Variants in CREB5 observed in about 807,000 individuals in gnomAD.
CREB5 encodes cAMP responsive element binding protein 5.
CREB5 carries 19 observed loss-of-function variants against 57.1 expected under a neutral mutation model. The ratio of observed to expected loss-of-function variants is 0.33; its 90% confidence interval spans 0.23 to 0.49. The LOEUF is 0.49. Among genes scored for constraint, CREB5 ranks in the 20% least tolerant of loss-of-function variants. The pLI is 0.99. For missense variants in CREB5, 579 were observed against 671.6 expected (o/e 0.86, Z 1.52); for synonymous variants, 238 against 238.3 (o/e 1.00, Z 0.01).
chr7:28,440,356 C>T (rs931350471), intron 1 of CREB5, among the ~76,000 whole-genome samples: 3 of 152,042 alleles, frequency 2.0e-5, no homozygotes, highest in African/African-American at 4.8e-5. Flanking sequence ...TTAAGCGAGG[C>T]CTGTTTGAGA....
chr7:28,623,415 G>A (rs112889413), intron 5 of CREB5, among the ~76,000 whole-genome samples: 1 of 152,274 alleles, frequency 6.6e-6, no homozygotes, highest in African/African-American at 2.4e-5. Flanking sequence ...TGTCAAAATA[G>A]CTTTATAGAT....
At chr7:28,591,899 C>T (rs1198047078) in intron 5 of CREB5, among the ~76,000 whole-genome samples, 1 of 152,108 alleles carries the variant, frequency 6.6e-6, no homozygotes, top group African/African-American at 2.4e-5. Flanking sequence ...GCTAGAACAG[C>T]AAGTGAAGAA....
chr7:28,320,509 A>G (rs1192196477), intron 1 of CREB5, among the ~76,000 whole-genome samples: 1 of 152,184 alleles, frequency 6.6e-6, no homozygotes, highest in African/African-American at 2.4e-5. Flanking sequence ...CCTTTGCTGA[A>G]TTGCAGCTCC....
chr7:28,743,358 C>T (rs1337072290), intron 7 of CREB5, among the ~76,000 whole-genome samples: 1 of 152,050 alleles, frequency 6.6e-6, no homozygotes, highest in Non-Finnish European at 1.5e-5. Context: ...CCTGGTGAAA[C>T]CTCATCTCTA....
At chr7:28,431,909 T>C (rs141120533) in intron 1 of CREB5, among the ~76,000 whole-genome samples, 1 of 151,688 alleles carries the variant, frequency 6.6e-6, no homozygotes, top group African/African-American at 2.4e-5. Flanking sequence ...GGTGAGCAGA[T>C]AGCTGTTTAG....
intron 1 of CREB5, among the ~76,000 whole-genome samples, chr7:28,429,427 G>C (rs543937271): frequency 7.2e-5 from 11 of 152,152 alleles, no homozygotes; most frequent in Non-Finnish European, 1.6e-4. Flanking sequence ...CTGGCACATG[G>C]CAGACACTTC....
chr7:28,823,576 A>G lies in CREB5; in HGVS notation c.*4297A>G, dbSNP rs1269365098. The G allele has an allele frequency of 1.3e-5, 2 of 152,554 alleles. No individual in the cohort carries two copies. The highest frequency in any genetic ancestry group is 4.8e-5 in the African/African-American group (2 of 41,440). 9.5% of individuals were successfully genotyped at this position (152,554 alleles called of 1,614,324 possible). The stretch of plus-strand genomic sequence containing the variant: ...AGTTATTTTTTAATCAACATTCTGA[A>G]CAGTTTTTTTTAAACATTTATTTCT... On this transcript the variant is annotated 3_prime_UTR_variant, in exon 11 of 11. Transcript: ENST00000357727.
At chr7:28,795,651 AG>A (rs567394205) in intron 7 of CREB5, among the ~76,000 whole-genome samples, 7 of 152,348 alleles carry the variant, frequency 4.6e-5, no homozygotes, top group African/African-American at 1.4e-4. Context: ...GTTCTCTATC[AG>A]CCCGCTGTCA....
chr7:28,326,945 C>T (rs1317727880), intron 1 of CREB5, among the ~76,000 whole-genome samples: 1 of 151,964 alleles, frequency 6.6e-6, no homozygotes, highest in Non-Finnish European at 1.5e-5. Context: ...GTCAGGAGTT[C>T]AAGACCAACC....
intron 2 of CREB5, among the ~76,000 whole-genome samples, chr7:28,491,835 G>A (rs1164476532): frequency 6.6e-6 from 1 of 152,208 alleles, no homozygotes; most frequent in Non-Finnish European, 1.5e-5. Context: ...GCATGGAGAA[G>A]ACAGGATGAC....
intron 5 of CREB5, among the ~76,000 whole-genome samples, chr7:28,571,497 T>C (rs375841639): frequency 1.6e-4 from 25 of 152,256 alleles, no homozygotes; most frequent in African/African-American, 5.5e-4. Context: ...CTCTCTCTCA[T>C]TTATGCAAAT....
At chr7:28,422,798 C>G (rs1334983823) in intron 1 of CREB5, among the ~76,000 whole-genome samples, 1 of 152,148 alleles carries the variant, frequency 6.6e-6, no homozygotes, top group Non-Finnish European at 1.5e-5. Flanking sequence ...TCATTGGATT[C>G]TCATTTATGT....
At chr7:28,501,922 G>C (rs751031351) in intron 3 of CREB5, among the ~76,000 whole-genome samples, 4 of 152,198 alleles carry the variant, frequency 2.6e-5, no homozygotes, top group African/African-American at 9.6e-5. Context: ...GCACTTGGAA[G>C]AGCATCTAGT....
intron 1 of CREB5, among the ~76,000 whole-genome samples, chr7:28,318,872 G>A (rs1189675620): frequency 6.6e-6 from 1 of 152,104 alleles, no homozygotes; most frequent in Non-Finnish European, 1.5e-5. Flanking sequence ...ATAACACCTG[G>A]AAATAATTAT....
rs1791957926 is a variant in CREB5 at position 28,494,892 on chromosome 7, T to A, written c.76-14T>A. 6.4e-7 allele frequency: 1 copy of A among 1,553,474 alleles called. No homozygotes were observed. The highest frequency in any genetic ancestry group is 8.6e-7 in the Non-Finnish European group (1 of 1,157,242). On this transcript the variant is annotated splice_polypyrimidine_tract_variant and intron_variant, in intron 2 of 10. Coordinates refer to ENST00000357727, the MANE Select transcript of CREB5 (RefSeq NM_182898.4). ...TCCTCTTCTCCCCTCCCTTTTTTTTTATTCGTCCGACAGCGCTTCCCAACA... is the reference window on the plus strand; with the variant it reads ...TCCTCTTCTCCCCTCCCTTTTTTTTAATTCGTCCGACAGCGCTTCCCAACA...
intron 1 of CREB5, among the ~76,000 whole-genome samples, chr7:28,402,873 C>A (rs1787501386): frequency 1.3e-5 from 2 of 152,196 alleles, no homozygotes; most frequent in Non-Finnish European, 1.5e-5. Flanking sequence ...AAACTACCAT[C>A]AGAGTGTATA....
At chr7:28,729,887 G>A (rs1562600968) in intron 7 of CREB5, among the ~76,000 whole-genome samples, 2 of 152,146 alleles carry the variant, frequency 1.3e-5, no homozygotes, top group Admixed American at 6.5e-5. Context: ...GAAGTAAGAT[G>A]ACCACGTTTC....
intron 1 of CREB5, among the ~76,000 whole-genome samples, chr7:28,467,183 T>G (rs1174258865): frequency 2.6e-5 from 4 of 151,980 alleles, no homozygotes; most frequent in Non-Finnish European, 5.9e-5. Flanking sequence ...GAGGGGCAAT[T>G]GGTAGAGGGC....
At chr7:28,481,604 A>T (rs1403802542) in intron 1 of CREB5, among the ~76,000 whole-genome samples, 1 of 152,182 alleles carries the variant, frequency 6.6e-6, no homozygotes, top group African/African-American at 2.4e-5. Context: ...AAGCAGGGTT[A>T]AAAAGGTCAC....
Sources: gnomAD v4.1 joint callset for allele counts (sites outside exome capture counted in the v4.1 genomes callset) on GRCh38, gnomAD v4.1.1 for gene constraint, MANE v1.5 for transcripts, NCBI Gene and HGNC (gene_info 2026-07-23, HGNC 2026-07-21) for gene names.